DYNC1I1: variants seen among roughly 807,000 people sequenced by gnomAD.
DYNC1I1 encodes cytoplasmic dynein 1 intermediate chain 1.
In DYNC1I1, 43 loss-of-function variants were observed where a neutral mutation model predicts 86.6. That is an observed-to-expected ratio of 0.50 (90% CI 0.39 to 0.64). The LOEUF is 0.64. Ranked by LOEUF, DYNC1I1 falls within the 30% of genes least tolerant of loss-of-function variation. The pLI, the probability that DYNC1I1 is intolerant of heterozygous loss-of-function variation, is 0.00. For synonymous variants in DYNC1I1, 262 were observed against 283.7 expected (o/e 0.92, Z 0.77); for missense variants, 604 against 788.8 (o/e 0.77, Z 2.81).
intron 10 of DYNC1I1, among the ~76,000 whole-genome samples, chr7:96,025,475 A>C (rs1022252885): frequency 6.6e-6 from 1 of 152,174 alleles, no homozygotes; most frequent in Non-Finnish European, 1.5e-5. Context: ...ATATTGTAAA[A>C]ATAGGTTTGC....
intron 1 of DYNC1I1, among the ~76,000 whole-genome samples, chr7:95,792,697 T>C (rs180691515): frequency 4.5e-4 from 68 of 152,276 alleles, no homozygotes; most frequent in African/African-American, 1.5e-3. Flanking sequence ...CTAATCTGTC[T>C]TTCATTACAG....
At chr7:96,079,037 G>A (rs1228272502) in intron 15 of DYNC1I1, among the ~76,000 whole-genome samples, 2 of 150,444 alleles carry the variant, frequency 1.3e-5, no homozygotes, top group East Asian at 1.9e-4. Flanking sequence ...TTGTTTTTTT[G>A]TTTTTTTGCT....
intron 6 of DYNC1I1, among the ~76,000 whole-genome samples, chr7:95,911,244 G>A (rs952632761): frequency 2.6e-5 from 4 of 152,148 alleles, no homozygotes; most frequent in Non-Finnish European, 5.9e-5. Flanking sequence ...TTGGAGGTTC[G>A]AACTTGTCAG....
At chr7:95,881,647 G>A (rs1168790996) in intron 6 of DYNC1I1, among the ~76,000 whole-genome samples, 2 of 152,190 alleles carry the variant, frequency 1.3e-5, no homozygotes, top group Non-Finnish European at 2.9e-5. Flanking sequence ...TTCACCATGA[G>A]GGTGGCATAC....
At chr7:95,998,837 C>G (rs139355684) in intron 10 of DYNC1I1, among the ~76,000 whole-genome samples, 43 of 152,174 alleles carry the variant, frequency 2.8e-4, no homozygotes, top group African/African-American at 9.4e-4. Flanking sequence ...CAGTGGAAAG[C>G]AAATGCACAA....
intron 1 of DYNC1I1, among the ~76,000 whole-genome samples, chr7:95,801,722 C>T (rs1446695158): frequency 1.3e-5 from 2 of 152,204 alleles, no homozygotes; most frequent in African/African-American, 4.8e-5. Flanking sequence ...GATGGACCCT[C>T]ATTGGTCAAG....
At chr7:95,884,974 A>G (rs1185667721) in intron 6 of DYNC1I1, among the ~76,000 whole-genome samples, 1 of 152,206 alleles carries the variant, frequency 6.6e-6, no homozygotes, top group African/African-American at 2.4e-5. Flanking sequence ...ATGGTATATT[A>G]CAAGTACTCA....
At chr7:95,992,523 C>T (rs898665425) in intron 9 of DYNC1I1, among the ~76,000 whole-genome samples, 2 of 152,144 alleles carry the variant, frequency 1.3e-5, no homozygotes, top group Non-Finnish European at 2.9e-5. Flanking sequence ...AAACCATTGC[C>T]TACCTTAGAG....
chr7:95,794,144 A>T (rs1333515838), intron 1 of DYNC1I1, among the ~76,000 whole-genome samples: 1 of 152,032 alleles, frequency 6.6e-6, no homozygotes, highest in Non-Finnish European at 1.5e-5. Flanking sequence ...GCAAGTCCTT[A>T]CTTCTTTCTT....
At chr7:96,015,222 A>G (rs1467745093) in intron 10 of DYNC1I1, among the ~76,000 whole-genome samples, 2 of 152,272 alleles carry the variant, frequency 1.3e-5, no homozygotes, top group African/African-American at 2.4e-5. Flanking sequence ...TTTTATTATG[A>G]TAATTGACTG....
chr7:95,829,918 A>G (rs1052188027), intron 5 of DYNC1I1, among the ~76,000 whole-genome samples: 1 of 151,984 alleles, frequency 6.6e-6, no homozygotes, highest in Non-Finnish European at 1.5e-5. Flanking sequence ...CTGAGGTTCT[A>G]TCAATTTCAA....
intron 1 of DYNC1I1, among the ~76,000 whole-genome samples, chr7:95,774,733 C>T (rs1223846634): frequency 2.0e-5 from 3 of 152,180 alleles, no homozygotes; most frequent in Non-Finnish European, 4.4e-5. Context: ...CCTTTGATGA[C>T]AGTGCTGAGT....
At chr7:95,861,719 A>T (rs535931285) in intron 5 of DYNC1I1, among the ~76,000 whole-genome samples, 7 of 152,284 alleles carry the variant, frequency 4.6e-5, no homozygotes, top group African/African-American at 1.7e-4. Context: ...TGTGAATTGT[A>T]TAGTATCTAA....
chr7:95,977,842 A>G (rs967298326), intron 7 of DYNC1I1, among the ~76,000 whole-genome samples: 5 of 152,198 alleles, frequency 3.3e-5, no homozygotes, highest in African/African-American at 9.7e-5. Context: ...TTCAGTAACA[A>G]TTTTAGTCAC....
chr7:96,013,180 G>T (rs1053010264), intron 10 of DYNC1I1, among the ~76,000 whole-genome samples: 6 of 152,050 alleles, frequency 3.9e-5, no homozygotes, highest in Admixed American at 1.3e-4. Flanking sequence ...CAGAGAAGGA[G>T]ATGGGATGAT....
intron 9 of DYNC1I1, among the ~76,000 whole-genome samples, chr7:95,990,420 C>T (rs2115722605): frequency 6.6e-6 from 1 of 152,274 alleles, no homozygotes; most frequent in East Asian, 1.9e-4. Flanking sequence ...AAATTTACAA[C>T]AGCAAAAAGA....
chr7:95,887,149 A>G (rs1253101607), intron 6 of DYNC1I1, among the ~76,000 whole-genome samples: 1 of 152,158 alleles, frequency 6.6e-6, no homozygotes, highest in African/African-American at 2.4e-5. Flanking sequence ...TCCGGGCTGC[A>G]TATTAGAGTC....
In DYNC1I1 at chr7:95,984,966, G is replaced by C. The variant is rs139501133; in HGVS notation, c.732G>C (p.Glu244Asp). The C allele has an allele frequency of 8.7e-6, 14 of 1,612,350 alleles. No homozygotes were observed. The highest frequency in any genetic ancestry group is 2.2e-5 in the East Asian group (1 of 44,838). ...IFFDYSGREL[E>D]EKDGDVQAGA... ...TTGACTACAGCGGCCGAGAGTTAGA[G>C]GAAAAAGATGGGTTAGTCTCTTGTG... The change falls in exon 8 of 17, where the codon GAG becomes GAC. Residue 244 changes from glutamate to aspartate, a missense_variant. Physicochemically the swap from Glu to Asp is conservative, Grantham distance 45. Transcript: ENST00000447467.
rs191413916 is a variant in DYNC1I1 at position 95,975,207 on chromosome 7, G to A, written c.491-2305G>A. ...ATCCCTTCTACTAAATTGTAAGATT[G>A]TAGAAGGAAATGCACTTACTGGCTT... On this transcript the variant is annotated intron_variant, in intron 6 of 16. Coordinates refer to ENST00000447467, the MANE Select transcript of DYNC1I1 (RefSeq NM_001135556.2). Among the ~76,000 whole-genome samples the A allele has an allele frequency of 2.8e-3, 423 of 152,278 alleles. 2 individuals are homozygous for A. In the Middle Eastern group the frequency reaches 0.048, roughly 17 times the overall value.
Sources: gnomAD v4.1 joint callset for allele counts (sites outside exome capture counted in the v4.1 genomes callset) on GRCh38, gnomAD v4.1.1 for gene constraint, MANE v1.5 for transcripts, NCBI Gene and HGNC (gene_info 2026-07-23, HGNC 2026-07-21) for gene names.